DIP2A: variants seen among roughly 807,000 people sequenced by gnomAD.
DIP2A encodes the protein DIP2 acetate--CoA ligase A.
DIP2A carries 85 observed loss-of-function variants against 177.4 expected under a neutral mutation model. That is an observed-to-expected ratio of 0.48 (90% CI 0.40 to 0.57). DIP2A has a LOEUF of 0.57. Ranked by LOEUF, DIP2A falls within the 20% of genes least tolerant of loss-of-function variation. DIP2A has a pLI of 0.00. For synonymous variants in DIP2A, 886 were observed against 881.8 expected (o/e 1.00, Z -0.08); for missense variants, 1,791 against 2,100.2 (o/e 0.85, Z 2.88).
intron 13 of DIP2A, among the ~76,000 whole-genome samples, chr21:46,536,435 C>A (rs1243256244): frequency 6.6e-6 from 1 of 152,194 alleles, no homozygotes; most frequent in Admixed American, 6.5e-5. Flanking sequence ...GAGTGACTTT[C>A]CGAAGGGTGA....
chr21:46,508,874 C>G (rs2058160938), intron 6 of DIP2A, among the ~76,000 whole-genome samples: 1 of 151,784 alleles, frequency 6.6e-6, no homozygotes, highest in Non-Finnish European at 1.5e-5. Flanking sequence ...TACAAATTAG[C>G]CAGGTGTGGT....
Position 46,484,785 on chromosome 21 carries a change from GA to G in DIP2A, c.124del (p.Arg42GlyfsTer15). 6.3e-7 allele frequency: 1 copy of G among 1,583,532 alleles called. No individual in the cohort carries two copies. Among genetic ancestry groups the G allele is most frequent in the Non-Finnish European group, 8.6e-7 (1 of 1,164,504 alleles). On this transcript the variant is annotated frameshift_variant, in exon 2 of 38. Coordinates refer to ENST00000417564, the MANE Select transcript of DIP2A (RefSeq NM_015151.4). LOFTEE classifies it high-confidence loss of function. ...GDITQKGYEK[K>X]RAKLLARYIP... is the part of the protein sequence containing the mutation. ...ACATCACTCAAAAAGGATATGAAAA[GA>G]AAAGGGCAAAGCTGCTTGCACGTTA...
At chr21:46,497,700 C>T (rs1388711079) in intron 4 of DIP2A, among the ~76,000 whole-genome samples, 1 of 152,112 alleles carries the variant, frequency 6.6e-6, no homozygotes, top group African/African-American at 2.4e-5. Context: ...GCATTGTTGT[C>T]ATATATTTAA....
intron 6 of DIP2A, among the ~76,000 whole-genome samples, chr21:46,505,898 T>C (rs2057955013): frequency 6.6e-6 from 1 of 152,244 alleles, no homozygotes; most frequent in East Asian, 1.9e-4. Flanking sequence ...TCTGTATCAA[T>C]AGTTTACTCC....
intron 20 of DIP2A, chr21:46,546,210 T>C: frequency 7.7e-7 from 1 of 1,304,500 alleles, no homozygotes; most frequent in Non-Finnish European, 9.8e-7. Context: ...GATGTTTTGC[T>C]TTTTATATGG....
chr21:46,553,097 T>C (rs927660060), intron 25 of DIP2A: 1 of 152,266 alleles, frequency 6.6e-6, no homozygotes, highest in African/African-American at 2.4e-5. Context: ...TCCCTAAGGA[T>C]GCAGTGGGAT....
intron 23 of DIP2A, 69 bp from the exon 24 acceptor site, chr21:46,551,565 A>T (rs2060272462): frequency 2.3e-6 from 3 of 1,329,826 alleles, no homozygotes; most frequent in Non-Finnish European, 3.2e-6. Context: ...TAAAAATTGT[A>T]AATAAAATCA....
At position 46,498,620 on chromosome 21, in the gene DIP2A, C is replaced by A. The variant is rs375439870; in HGVS notation, c.442C>A (p.Arg148=). ...CTCAGAAGATGAGGGCTCTTTACGGCGACCCGGGCGACTCACCTCCACTCC... is the reference window on the plus strand; with the variant it reads ...CTCAGAAGATGAGGGCTCTTTACGGAGACCCGGGCGACTCACCTCCACTCC... ...SASEDEGSLR[R]PGRLTSTPLQ... Residue 148 remains arginine, a synonymous_variant, in exon 5 of 38, where the codon CGA becomes AGA. Coordinates refer to ENST00000417564, the MANE Select transcript of DIP2A (RefSeq NM_015151.4). The surrounding 1 kb of genome is among the most constrained non-coding windows in gnomAD (Gnocchi z 4.3). The A allele has an allele frequency of 8.7e-6, 14 of 1,612,180 alleles. No individual in the cohort carries two copies. The highest frequency in any genetic ancestry group is 6.6e-5 in the South Asian group (6 of 91,014).
intron 5 of DIP2A, among the ~76,000 whole-genome samples, chr21:46,503,552 C>G (rs985638832): frequency 6.7e-6 from 1 of 149,632 alleles, no homozygotes; most frequent in Non-Finnish European, 1.5e-5. Flanking sequence ...AAATTTGTTT[C>G]TGCTTCCTTG....
intron 8 of DIP2A, among the ~76,000 whole-genome samples, chr21:46,515,181 A>T (rs374719195): frequency 6.6e-6 from 1 of 152,246 alleles, no homozygotes; most frequent in Non-Finnish European, 1.5e-5. Context: ...GTTCAAATCT[A>T]GGTCATGCTA....
chr21:46,482,292 T>A (rs8134014), intron 1 of DIP2A, among the ~76,000 whole-genome samples: 1 of 152,068 alleles, frequency 6.6e-6, no homozygotes. Context: ...GGGCAACGAT[T>A]GACCACATAT....
At chr21:46,486,082 AAAAAAAAAAGAACT>A (rs1455751081) in intron 2 of DIP2A, among the ~76,000 whole-genome samples, 7,093 of 60,356 alleles carry the variant, frequency 0.12, 445 homozygotes, top group African/African-American at 0.31. Flanking sequence ...AAAAAAAAAA[AAAAAAAAAAGAACT>A]AAAGAACTAG....
intron 1 of DIP2A, among the ~76,000 whole-genome samples, chr21:46,476,438 A>T (rs371473516): frequency 2.0e-5 from 3 of 152,104 alleles, no homozygotes; most frequent in East Asian, 1.9e-4. Context: ...CCTCTTGGAG[A>T]AGAGTGCCCG....
chr21:46,557,915 C>T lies in DIP2A; in HGVS notation c.3798+162C>T, dbSNP rs1463608180. Among the ~76,000 whole-genome samples the T allele has an allele frequency of 6.6e-6, 1 of 152,204 alleles. No homozygotes were observed. Among genetic ancestry groups the T allele is most frequent in the Non-Finnish European group, 1.5e-5 (1 of 68,030 alleles). ...GGCCCTATGTACACATCTGTCCTCC[C>T]ACGGCCCACCTGTCTCTGCAGCTCC... On this transcript the variant is annotated intron_variant, in intron 31 of 37. Coordinates refer to ENST00000417564, the MANE Select transcript of DIP2A (RefSeq NM_015151.4). The surrounding 1 kb of genome is among the most constrained non-coding windows in gnomAD (Gnocchi z 6.0).
intron 1 of DIP2A, among the ~76,000 whole-genome samples, chr21:46,473,447 C>A (rs2055571261): frequency 7.1e-6 from 1 of 141,502 alleles, no homozygotes; most frequent in African/African-American, 2.7e-5. Context: ...ACAGTGAGAC[C>A]ATGTCTCAGG....
At position 46,459,029 on chromosome 21, in the gene DIP2A, T is replaced by C. The variant is rs994012473; in HGVS notation, c.-103T>C. On this transcript the variant is annotated 5_prime_UTR_variant, in exon 1 of 38. An upstream start codon of the reference 5' UTR is lost. Transcript: ENST00000417564. ...CGCCTCCCGCTCCTCGCCTGGCGGA[T>C]GTAGGTTGTTGGCCTGAGGGGAGCT... 1.8e-5 allele frequency: 16 copies of C among 909,238 alleles called. No homozygotes were observed. The highest frequency in any genetic ancestry group is 1.0e-4 in the East Asian group (3 of 29,356). 56.3% of individuals were successfully genotyped at this position (909,238 alleles called of 1,614,324 possible).
intron 1 of DIP2A, among the ~76,000 whole-genome samples, chr21:46,477,578 T>G (rs1317434887): frequency 2.8e-5 from 4 of 142,760 alleles, no homozygotes; most frequent in South Asian, 2.3e-4. Context: ...TATTTCTTTT[T>G]TTTTTTTTTT....
chr21:46,541,742 G>T lies in DIP2A; in HGVS notation c.2037-14G>T, dbSNP rs755804995. 48 of 1,613,810 alleles carry T rather than the reference G, an allele frequency of 3.0e-5. No homozygotes were observed. In the East Asian group the frequency reaches 1.0e-3, roughly 35 times the overall value. The stretch of plus-strand genomic sequence containing the variant: ...CCCCTCGTCAGTTAAACCCATGGTG[G>T]TTTTATTTTCTAGGCCACCTGATCT... On this transcript the variant is annotated splice_polypyrimidine_tract_variant and intron_variant, in intron 17 of 37. Coordinates refer to ENST00000417564, the MANE Select transcript of DIP2A (RefSeq NM_015151.4).
the DIP2A span, among the ~76,000 whole-genome samples, chr21:46,582,171 C>A: frequency 0.031 from 4,682 of 152,272 alleles, 91 homozygotes; most frequent in Middle Eastern, 0.048. Context: ...GGAGGCCCTG[C>A]CCATTGACGG....
Sources: allele counts gnomAD v4.1 joint callset (sites outside exome capture counted in the v4.1 genomes callset), GRCh38; gene constraint gnomAD v4.1.1; non-coding constraint Gnocchi (gnomAD v3.1); transcripts MANE v1.5; gene names NCBI Gene and HGNC (gene_info 2026-07-23, HGNC 2026-07-21).